NOL7: variants seen among roughly 807,000 people sequenced by gnomAD.
The protein encoded by NOL7 is U3 small nucleolar RNA-associated protein NOL7.
NOL7 carries 36 observed loss-of-function variants against 38.4 expected under a neutral mutation model. That is an observed-to-expected ratio of 0.94 (90% confidence interval 0.72 to 1.24). The LOEUF is 1.24. Ranked by LOEUF, NOL7 falls within the 50% of genes most tolerant of loss-of-function variation. The pLI is 0.00. For synonymous variants in NOL7, 142 were observed against 126.5 expected (o/e 1.12, Z -0.82); for missense variants, 350 against 315.1 (o/e 1.11, Z -0.84).
rs2127755589 is a variant in NOL7 at position 13,620,851 on chromosome 6, TA to T, written c.*25del. The T allele has an allele frequency of 7.3e-7, 1 of 1,366,282 alleles. No individual in the cohort carries two copies. Among genetic ancestry groups the T allele is most frequent in the African/African-American group, 1.4e-5 (1 of 69,004 alleles). 84.6% of individuals were successfully genotyped at this position (1,366,282 alleles called of 1,614,324 possible). On this transcript the variant is annotated 3_prime_UTR_variant, in exon 8 of 8. Coordinates refer to ENST00000451315, the MANE Select transcript of NOL7 (RefSeq NM_016167.5). ...AAATCAATGCTAAATGAAGAATCTG[TA>T]CTTTGTATGTATAGAATTTATCTAA...
chr6:13,620,333 A>G lies in NOL7; in HGVS notation c.622+4A>G, dbSNP rs761907824. The G allele has an allele frequency of 1.7e-5, 28 of 1,613,712 alleles. No individual in the cohort carries two copies. The Admixed American group carries it at 4.7e-4, about 27-fold the overall frequency. On this transcript the variant is annotated splice_donor_region_variant and intron_variant, in intron 6 of 7. Coordinates refer to ENST00000451315, the MANE Select transcript of NOL7 (RefSeq NM_016167.5). The stretch of plus-strand genomic sequence containing the variant: ...CCAGGAACCAACAGGACTACTGGTA[A>G]TTTTTTTATGGACTATTTTTCTCAC...
rs771273158 is a variant in NOL7 at position 13,620,439 on chromosome 6, G to A, written c.654G>A (p.Arg218=). The A allele has an allele frequency of 1.4e-5, 23 of 1,614,102 alleles. No individual in the cohort carries two copies. Among genetic ancestry groups the A allele is most frequent in the Non-Finnish European group, 1.9e-5 (23 of 1,179,986 alleles). ...VNKFLSLANK[R]LPVKRAAVQF... is the part of the protein sequence containing the mutation. ...AGTTCCTGTCTCTTGCCAACAAGAGGTTACCAGTGAAAAGAGCTGCTGTCC... is the reference window on the plus strand; with the variant it reads ...AGTTCCTGTCTCTTGCCAACAAGAGATTACCAGTGAAAAGAGCTGCTGTCC... The change falls in exon 7 of 8, where the codon AGG becomes AGA. Residue 218 remains arginine, a synonymous_variant. Transcript: ENST00000451315.
chr6:13,623,785 C>T (rs180883995), downstream of NOL7, among the ~76,000 whole-genome samples: 1,210 of 152,102 alleles, frequency 8.0e-3, 17 homozygotes, highest in Non-Finnish European at 8.6e-3. Context: ...TTACAGGAAT[C>T]GCATACATTT....
downstream of NOL7, among the ~76,000 whole-genome samples, chr6:13,626,107 C>T (rs1009359899): frequency 6.6e-6 from 1 of 152,062 alleles, no homozygotes; most frequent in African/African-American, 2.4e-5. Context: ...CAATTTATTA[C>T]TACTGATATG....
intron 8 of NOL7, among the ~76,000 whole-genome samples, chr6:13,629,921 C>CTCTCTCTCTCGTGT (rs1554221305): frequency 1.6e-5 from 2 of 128,342 alleles, no homozygotes; most frequent in Non-Finnish European, 3.5e-5. Flanking sequence ...CTCTCTCTCT[C>CTCTCTCTCTCGTGT]GTGTGTGTGT....
intron 5 of NOL7, 45 bp from the exon 6 acceptor site, chr6:13,620,163 G>C (rs746669978): frequency 2.6e-6 from 4 of 1,567,446 alleles, no homozygotes; most frequent in Non-Finnish European, 3.4e-6. Context: ...AAAAAAGAAA[G>C]TAAGCATGTG....
Position 13,615,540 on chromosome 6 carries a change from A to T in NOL7, c.182A>T (p.Asp61Val). The change falls in exon 1 of 8, where the codon GAT becomes GTT. Residue 61 changes from aspartate to valine, a missense_variant. Coordinates refer to ENST00000451315, the MANE Select transcript of NOL7 (RefSeq NM_016167.5). ...GAGGAAGGGGACGATGAGTTTGACG[A>T]TGAGGCCCCGGAGGAGCTGACTTTC... ...EDEEGDDEFD[D>V]EAPEELTFAS... 6.4e-7 allele frequency: 1 copy of T among 1,559,438 alleles called. No homozygotes were observed. The highest frequency in any genetic ancestry group is 8.7e-7 in the Non-Finnish European group (1 of 1,151,004).
At chr6:13,622,319 G>A (rs769096320), downstream of NOL7, 8 of 1,440,584 alleles carry the variant, frequency 5.6e-6, no homozygotes, top group East Asian at 2.0e-4. Flanking sequence ...CTTCCATGTT[G>A]ACTATATGCC....
Position 13,618,153 on chromosome 6 carries a change from T to G in NOL7, c.500+14T>G. The G allele has an allele frequency of 7.0e-7, 1 of 1,436,920 alleles. No individual in the cohort carries two copies. Among genetic ancestry groups the G allele is most frequent in the African/African-American group, 1.4e-5 (1 of 70,660 alleles). The allele number at this position is 1,436,920 out of a possible 1,614,324, so 89.0% of individuals were successfully genotyped here. A position where few individuals can be genotyped will look rare whatever the true frequency, so the allele number is the denominator to read the frequency against. ...ACAGTCTGTCAGGTAATGAGTCTTT[T>G]GTTTCATTTGGGATGTAAAGGAGAC... On this transcript the variant is annotated intron_variant, in intron 5 of 7. Coordinates refer to ENST00000451315, the MANE Select transcript of NOL7 (RefSeq NM_016167.5).
In NOL7 at chr6:13,620,825, TA is replaced by T; in HGVS notation, c.*1del. The T allele has an allele frequency of 6.4e-7, 1 of 1,569,370 alleles. No homozygotes were observed. ...GGTCAGAAAGATGAAAACTAAGAAG[TA>T]AATCAATGCTAAATGAAGAATCTGT... Reference protein sequence around the residue: ...WMVRKMKTKK* With the variant: ...WMVRKMKTKKX On this transcript the variant is annotated frameshift_variant and stop_lost, in exon 8 of 8. Transcript: ENST00000451315. LOFTEE classifies it high-confidence loss of function.
intron 7 of NOL7, 99 bp from the exon 8 acceptor site, chr6:13,620,654 AG>A (rs1764418654): frequency 4.1e-6 from 4 of 981,920 alleles, no homozygotes; most frequent in Non-Finnish European, 6.0e-6. Context: ...AAGTATAATA[AG>A]CCCACCCAGT....
chr6:13,622,616 C>T, downstream of NOL7: 2 of 1,058,744 alleles, frequency 1.9e-6, no homozygotes, highest in South Asian at 2.4e-5. Flanking sequence ...GAAATATCAG[C>T]AAATGAAGGT....
chr6:13,620,148 G>GAA, intron 5 of NOL7, 60 bp from the exon 6 acceptor site: 11 of 1,371,098 alleles, frequency 8.0e-6, no homozygotes, highest in East Asian at 2.6e-5. Flanking sequence ...GTCTCAGGAA[G>GAA]AAAAAAAAAA....
intron 2 of NOL7, 38 bp downstream of exon 2, chr6:13,615,810 T>C (rs768929380): frequency 6.3e-7 from 1 of 1,581,262 alleles, no homozygotes; most frequent in East Asian, 2.2e-5. Flanking sequence ...TTAAAACAAC[T>C]CGGCTCAGGG....
At chr6:13,619,743 G>A (rs1764386747) in intron 5 of NOL7, among the ~76,000 whole-genome samples, 1 of 152,178 alleles carries the variant, frequency 6.6e-6, no homozygotes, top group South Asian at 2.1e-4. Flanking sequence ...ACCACCATGT[G>A]CTCTACTAAA....
Position 13,620,767 on chromosome 6 carries a change from A to AG in NOL7, c.714_715insG (p.Gln239AlafsTer7). 6.3e-7 allele frequency: 1 copy of AG among 1,597,418 alleles called. No homozygotes were observed. On this transcript the variant is annotated frameshift_variant, in exon 8 of 8. Transcript: ENST00000451315. LOFTEE classifies it high-confidence loss of function. ...TTTATATTCTAGGAATCCAAAAAAAACAAAATGCCAAGAGGTTTAAAAGAC... is the reference window on the plus strand; with the variant it reads ...TTTATATTCTAGGAATCCAAAAAAAAGCAAAATGCCAAGAGGTTTAAAAGAC...
At chr6:13,627,248 TC>T (rs979534081) in intron 8 of NOL7, among the ~76,000 whole-genome samples, 2 of 152,142 alleles carry the variant, frequency 1.3e-5, no homozygotes, top group African/African-American at 4.8e-5. Flanking sequence ...TGGTTCTACT[TC>T]CCGCCCCTAA....
intron 8 of NOL7, among the ~76,000 whole-genome samples, chr6:13,628,014 G>C (rs1001410405): frequency 2.6e-5 from 4 of 152,130 alleles, no homozygotes; most frequent in Non-Finnish European, 4.4e-5. Flanking sequence ...TAAAAACTCA[G>C]AGAAAAAGTT....
intron 8 of NOL7, among the ~76,000 whole-genome samples, chr6:13,627,833 AACAC>A (rs1764660802): frequency 6.6e-6 from 1 of 152,110 alleles, no homozygotes; most frequent in Non-Finnish European, 1.5e-5. Flanking sequence ...CCTACATCCT[AACAC>A]ACCACCGAAA....
Sources: gnomAD v4.1 joint callset for allele counts (sites outside exome capture counted in the v4.1 genomes callset) on GRCh38, gnomAD v4.1.1 for gene constraint, MANE v1.5 for transcripts, NCBI Gene and HGNC (gene_info 2026-07-23, HGNC 2026-07-21) for gene names.